LMO7: variants seen among roughly 807,000 people sequenced by gnomAD.
LMO7 encodes the protein LIM domain 7, also known as LIM domain only protein 7.
A neutral mutation model predicts 206.5 loss-of-function variants in LMO7; 120 were observed. The observed-to-expected ratio is 0.58, with a 90% confidence interval of 0.50 to 0.68. The LOEUF is 0.68. LMO7 is among the 30% of genes least tolerant of loss of function. The pLI is 0.00. For synonymous variants in LMO7, 706 were observed against 681.5 expected (o/e 1.04, Z -0.56); for missense variants, 1,959 against 1,957.9 (o/e 1.00, Z -0.01).
intron 22 of LMO7, 44 bp downstream of exon 22, chr13:75,840,539 C>T (rs775438186): frequency 1.3e-6 from 2 of 1,596,822 alleles, no homozygotes; most frequent in Non-Finnish European, 1.7e-6. Context: ...GGTTGGATTT[C>T]ACGGCTTTTC....
chr13:75,669,657 A>G (rs1487207192), intron 1 of LMO7, among the ~76,000 whole-genome samples: 1 of 152,152 alleles, frequency 6.6e-6, no homozygotes, highest in Admixed American at 6.5e-5. Context: ...GTGCTTATGT[A>G]CTGAGTTGTT....
At chr13:75,638,750 C>T (rs1187315577) in intron 1 of LMO7, among the ~76,000 whole-genome samples, 1 of 152,098 alleles carries the variant, frequency 6.6e-6, no homozygotes, top group East Asian at 1.9e-4. Context: ...GTCAGCTTTG[C>T]CTTTGCCACC....
At chr13:75,792,240 T>C (rs950033535) in intron 4 of LMO7, among the ~76,000 whole-genome samples, 41 of 152,264 alleles carry the variant, frequency 2.7e-4, no homozygotes, top group Admixed American at 4.6e-4. Context: ...AGTGCTGGGA[T>C]TACAGGAATG....
intron 3 of LMO7, among the ~76,000 whole-genome samples, chr13:75,738,094 A>T (rs1431416086): frequency 6.6e-6 from 1 of 151,640 alleles, no homozygotes; most frequent in African/African-American, 2.4e-5. Context: ...TTTTTGGCTC[A>T]TTCAGTTCAG....
In LMO7 at chr13:75,790,820, C is replaced by A. The variant is rs915907995; in HGVS notation, c.318-4581C>A. ...CCAGAAAGCAAAGGAATTATCAGAG[C>A]TATTCCATTAATAGAGTGGAAGATT... is the stretch of plus-strand genomic sequence containing the variant. On this transcript the variant is annotated intron_variant, in intron 4 of 30. Transcript: ENST00000377534. Among the ~76,000 whole-genome samples, 3 of 152,090 alleles carry A rather than the reference C, an allele frequency of 2.0e-5. No homozygotes were observed. The East Asian group carries it at 5.8e-4, about 29-fold the overall frequency.
chr13:75,737,009 A>G (rs574691689), intron 3 of LMO7, among the ~76,000 whole-genome samples: 1 of 152,320 alleles, frequency 6.6e-6, no homozygotes, highest in East Asian at 1.9e-4. Flanking sequence ...TGTTCCCCCC[A>G]ACCCCAAAAT....
At chr13:75,675,971 G>A (rs1036554969) in intron 1 of LMO7, among the ~76,000 whole-genome samples, 1 of 152,048 alleles carries the variant, frequency 6.6e-6, no homozygotes, top group African/African-American at 2.4e-5. Context: ...AAATATGTGG[G>A]GAAATTTTGT....
At chr13:75,850,522 T>G (rs2139583672) in intron 27 of LMO7, among the ~76,000 whole-genome samples, 1 of 152,334 alleles carries the variant, frequency 6.6e-6, no homozygotes, top group African/African-American at 2.4e-5. Flanking sequence ...CAGTAGTTAT[T>G]CAATAAACAG....
At chr13:75,646,671 C>T (rs1193011108) in intron 1 of LMO7, among the ~76,000 whole-genome samples, 1 of 152,038 alleles carries the variant, frequency 6.6e-6, no homozygotes, top group Non-Finnish European at 1.5e-5. Context: ...GCAACCTCCA[C>T]CTCCCAGGTT....
intron 25 of LMO7, among the ~76,000 whole-genome samples, chr13:75,844,704 C>T (rs1430477353): frequency 6.6e-6 from 1 of 152,112 alleles, no homozygotes; most frequent in East Asian, 1.9e-4. Flanking sequence ...CCACCAAGCC[C>T]AGCCACCACT....
chr13:75,764,456 A>G (rs1017768461), intron 4 of LMO7, among the ~76,000 whole-genome samples: 7 of 152,070 alleles, frequency 4.6e-5, no homozygotes, highest in Admixed American at 3.9e-4. Flanking sequence ...CACACTGGAG[A>G]GCTCCTCTGG....
chr13:75,800,900 T>C lies in LMO7; in HGVS notation c.661+18T>C. ...GCGTGAAGGTGTGTTGTGTTTTGGC[T>C]GTCAGTTTATTTGTTCACATATTAA... is the stretch of plus-strand genomic sequence containing the variant. On this transcript the variant is annotated intron_variant, in intron 7 of 30. Coordinates refer to ENST00000377534, the MANE Select transcript of LMO7 (RefSeq NM_001306080.2). 1 of 1,611,626 alleles carries C rather than the reference T, an allele frequency of 6.2e-7. No homozygotes were observed. Among genetic ancestry groups the C allele is most frequent in the Non-Finnish European group, 8.5e-7 (1 of 1,177,844 alleles).
Position 75,805,632 on chromosome 13 carries a change from A to G in LMO7, c.1068A>G (p.Pro356=), listed in dbSNP as rs1044263637. 5 of 1,613,980 alleles carry G rather than the reference A, an allele frequency of 3.1e-6. No individual in the cohort carries two copies. Among genetic ancestry groups the G allele is most frequent in the Non-Finnish European group, 2.5e-6 (3 of 1,179,906 alleles). ...ATCTTTATGTGCGCAAGCTCAGTCCAGTCATGCCAAACCCAGGGAATGCTT... is the reference window on the plus strand; with the variant it reads ...ATCTTTATGTGCGCAAGCTCAGTCCGGTCATGCCAAACCCAGGGAATGCTT... ...KDDLYVRKLS[P]VMPNPGNAFD... Residue 356 remains proline (P), a synonymous_variant, in exon 9 of 31, where the codon CCA becomes CCG. Transcript: ENST00000377534.
chr13:75,688,590 C>G (rs1317819782), intron 1 of LMO7: 7 of 152,386 alleles, frequency 4.6e-5, no homozygotes, highest in Non-Finnish European at 1.0e-4. Flanking sequence ...CCCATCTATT[C>G]TTTGCATTAA....
intron 28 of LMO7, among the ~76,000 whole-genome samples, chr13:75,853,953 G>A (rs2060707726): frequency 6.6e-6 from 1 of 152,214 alleles, no homozygotes. Flanking sequence ...AATTGCTTGG[G>A]CGTTCTGTTT....
rs573562988 is a variant in LMO7 at position 75,659,964 on chromosome 13, C to T, written c.69+23238C>T. On this transcript the variant is annotated intron_variant, in intron 1 of 30. Coordinates refer to ENST00000377534, the MANE Select transcript of LMO7 (RefSeq NM_001306080.2). ...CTGTCATGTGTAAAAATATTTTAGT[C>T]TGGGACATATTTCAGGGGAGTACAG... Among the ~76,000 whole-genome samples, 6 of 152,094 alleles carry T rather than the reference C, an allele frequency of 3.9e-5. No homozygotes were observed. In the East Asian group the frequency reaches 9.6e-4, roughly 24 times the overall value.
intron 1 of LMO7, among the ~76,000 whole-genome samples, chr13:75,711,788 C>A (rs9544032): frequency 2.2e-4 from 34 of 152,346 alleles, no homozygotes; most frequent in African/African-American, 8.2e-4. Flanking sequence ...TGTGGGCTCC[C>A]TGATGGAAGA....
intron 1 of LMO7, among the ~76,000 whole-genome samples, chr13:75,647,916 T>G (rs1012187714): frequency 6.7e-6 from 1 of 150,372 alleles, no homozygotes; most frequent in African/African-American, 2.4e-5. Flanking sequence ...GATCTGATTT[T>G]GTCCAAACTG....
At chr13:75,629,101 C>T (rs978495296) in intron 2 of LMO7, among the ~76,000 whole-genome samples, 2 of 152,174 alleles carry the variant, frequency 1.3e-5, no homozygotes, top group South Asian at 2.1e-4. Flanking sequence ...TGCTAAACAT[C>T]CTATGATGCA....
Sources: gnomAD v4.1 joint callset for allele counts (sites outside exome capture counted in the v4.1 genomes callset) on GRCh38, gnomAD v4.1.1 for gene constraint, MANE v1.5 for transcripts, NCBI Gene and HGNC (gene_info 2026-07-23, HGNC 2026-07-21) for gene names.